Variants in DSE observed in about 807,000 individuals in gnomAD.
DSE encodes the protein dermatan-sulfate epimerase.
Under a neutral mutation model 84.4 loss-of-function variants are expected in DSE, and 36 were observed. That is an observed-to-expected ratio of 0.43 (90% CI 0.33 to 0.56). The LOEUF is 0.56. DSE is among the 20% of genes least tolerant of loss of function. DSE has a pLI of 0.06. For synonymous variants in DSE, 410 were observed against 430.1 expected (o/e 0.95, Z 0.58); for missense variants, 862 against 1,169.6 (o/e 0.74, Z 3.84).
At chr6:116,426,965 C>A in intron 3 of DSE, 138 bp downstream of exon 3, 1 of 1,155,522 alleles carries the variant, frequency 8.7e-7, no homozygotes. Context: ...ATGAAGTAGT[C>A]CCTACAGTAT....
chr6:116,333,456 T>C (rs142761342), intron 2 of DSE, among the ~76,000 whole-genome samples: 2,300 of 152,294 alleles, frequency 0.015, 31 homozygotes, highest in Middle Eastern at 0.048. Flanking sequence ...TGACAATCCA[T>C]GAAGAAAGTG....
intron 2 of DSE, among the ~76,000 whole-genome samples, chr6:116,331,169 A>G (rs1224715872): frequency 1.3e-5 from 2 of 152,220 alleles, no homozygotes; most frequent in Non-Finnish European, 2.9e-5. Flanking sequence ...AATAAACACC[A>G]TAGAAATACT....
chr6:116,315,335 T>C (rs1775907669), intron 2 of DSE, among the ~76,000 whole-genome samples: 1 of 151,464 alleles, frequency 6.6e-6, no homozygotes, highest in African/African-American at 2.4e-5. Context: ...CTGAGATATA[T>C]ATATATATAT....
At chr6:116,355,354 G>T (rs1209564937) in intron 2 of DSE, among the ~76,000 whole-genome samples, 1 of 152,044 alleles carries the variant, frequency 6.6e-6, no homozygotes, top group Non-Finnish European at 1.5e-5. Context: ...AGCACTTCAG[G>T]TATGACCAGA....
intron 2 of DSE, among the ~76,000 whole-genome samples, chr6:116,413,649 C>T (rs751784118): frequency 5.3e-5 from 8 of 152,134 alleles, no homozygotes; most frequent in Non-Finnish European, 8.8e-5. Flanking sequence ...TTAAAAAGGC[C>T]TCTGGATTTT....
intron 3 of DSE, among the ~76,000 whole-genome samples, chr6:116,430,304 A>G (rs367760037): frequency 1.8e-4 from 27 of 152,364 alleles, no homozygotes; most frequent in Admixed American, 9.8e-4. Flanking sequence ...CGTTTATAAT[A>G]TGTGCAGCCT....
chr6:116,388,314 G>A (rs530551066), intron 1 of DSE, among the ~76,000 whole-genome samples: 4 of 152,258 alleles, frequency 2.6e-5, no homozygotes, highest in African/African-American at 7.2e-5. Context: ...CAGTTAGGCC[G>A]AGAGAAAATC....
chr6:116,395,882 G>C (rs1037417980), intron 1 of DSE, among the ~76,000 whole-genome samples: 24 of 152,050 alleles, frequency 1.6e-4, no homozygotes, highest in Non-Finnish European at 2.9e-4. Flanking sequence ...ATGATGGGTG[G>C]GTATTACTTC....
At chr6:116,342,352 C>T (rs1777660252) in intron 2 of DSE, among the ~76,000 whole-genome samples, 1 of 145,320 alleles carries the variant, frequency 6.9e-6, no homozygotes, top group African/African-American at 2.6e-5. Flanking sequence ...GCGGTCTTGG[C>T]TCACTGCAAG....
chr6:116,441,446 A>G lies in DSE; in HGVS notation c.*4101A>G, dbSNP rs1387604567. ...CTCTCATTCTTAGTTTGTACTTCCC[A>G]GAAGTAACCAATTTCTAATTCTTTT... On this transcript the variant is annotated 3_prime_UTR_variant, in exon 6 of 6. Transcript: ENST00000644252. 1 of 152,218 alleles carries G rather than the reference A, an allele frequency of 6.6e-6. No homozygotes were observed. Among genetic ancestry groups the G allele is most frequent in the African/African-American group, 2.4e-5 (1 of 41,464 alleles). 9.4% of individuals were successfully genotyped at this position (152,218 alleles called of 1,614,324 possible).
exon 2 of DSE, chr6:116,258,809 G>A (rs1359655933): frequency 1.9e-6 from 3 of 1,608,704 alleles, no homozygotes; most frequent in Non-Finnish European, 1.7e-6. Flanking sequence ...TCGCCTGTGA[G>A]CAGGTGTATG....
At chr6:116,370,701 G>T (rs917651558), upstream of DSE, among the ~76,000 whole-genome samples, 1 of 152,020 alleles carries the variant, frequency 6.6e-6, no homozygotes, top group Non-Finnish European at 1.5e-5. Flanking sequence ...GCCGGGTGGC[G>T]TGGAAGGCCG....
At chr6:116,337,476 G>C (rs1055227025) in intron 2 of DSE, among the ~76,000 whole-genome samples, 2 of 152,148 alleles carry the variant, frequency 1.3e-5, no homozygotes, top group African/African-American at 4.8e-5. Flanking sequence ...CGGGTGTGGT[G>C]GTGGATGCCT....
Position 116,399,258 on chromosome 6 carries a change from C to G in DSE, c.8C>G (p.Thr3Ser), listed in dbSNP as rs1164317142. MR[T>S]HTRGAPSVFF... ...TGGAGATCTGATGCCACGATGAGGA[C>G]TCACACACGGGGGGCTCCCAGTGTG... is the stretch of plus-strand genomic sequence containing the variant. Residue 3 changes from threonine (T) to serine (S), a missense_variant, in exon 2 of 6, where the codon ACT (threonine) becomes AGT (serine). Coordinates refer to ENST00000644252, the MANE Select transcript of DSE (RefSeq NM_013352.4). The G allele has an allele frequency of 6.2e-7, 1 of 1,613,730 alleles. No individual in the cohort carries two copies. The highest frequency in any genetic ancestry group is 8.5e-7 in the Non-Finnish European group (1 of 1,180,040).
intron 2 of DSE, among the ~76,000 whole-genome samples, chr6:116,332,712 A>G (rs1777024414): frequency 6.6e-6 from 1 of 152,192 alleles, no homozygotes; most frequent in Admixed American, 6.5e-5. Context: ...TAGAGTTAAA[A>G]TTAAGAGCCT....
intron 5 of DSE, 132 bp downstream of exon 5, chr6:116,433,682 A>C (rs1425656946): frequency 2.1e-6 from 2 of 934,140 alleles, no homozygotes; most frequent in East Asian, 2.7e-5. Flanking sequence ...CCACCTGAGT[A>C]TATGAAGTTT....
At position 116,393,006 on chromosome 6, in the gene DSE, TCC is replaced by T. The variant is rs147145180; in HGVS notation, c.-53-6189_-53-6188del. Reference sequence around the variant, plus strand: ...ATCCGCCTTGCAGTGGCAGCAGGTGTCCCCTAAATTTTAATGTACTCCTTCCG... The same window carrying T: ...ATCCGCCTTGCAGTGGCAGCAGGTGTCCTAAATTTTAATGTACTCCTTCCG... On this transcript the variant is annotated intron_variant, in intron 1 of 5. Transcript: ENST00000644252. 3.2e-3 allele frequency among the ~76,000 whole-genome samples: 488 copies of T among 152,208 alleles called. 3 individuals are homozygous for T. Among genetic ancestry groups the T allele is most frequent in the African/African-American group, 0.011 (468 of 41,522 alleles).
chr6:116,413,104 G>A (rs1250530638), intron 2 of DSE, among the ~76,000 whole-genome samples: 1 of 152,042 alleles, frequency 6.6e-6, no homozygotes, highest in Non-Finnish European at 1.5e-5. Flanking sequence ...CCATTGATGG[G>A]CACCTAGGTT....
intron 5 of DSE, 62 bp downstream of exon 5, chr6:116,433,612 C>T (rs1783976652): frequency 1.3e-6 from 2 of 1,492,214 alleles, no homozygotes; most frequent in Non-Finnish European, 1.8e-6. Context: ...TCATGCTATG[C>T]ACTTGTTTTT....
Sources: allele counts gnomAD v4.1 joint callset (sites outside exome capture counted in the v4.1 genomes callset), GRCh38; gene constraint gnomAD v4.1.1; transcripts MANE v1.5; gene names NCBI Gene and HGNC (gene_info 2026-07-23, HGNC 2026-07-21).